SYT7: variants seen among roughly 807,000 people sequenced by gnomAD.
The protein encoded by SYT7 is synaptotagmin-7.
SYT7 carries 29 observed loss-of-function variants against 75.1 expected under a neutral mutation model. That is an observed-to-expected ratio of 0.39 (90% CI 0.29 to 0.53). SYT7 has a LOEUF of 0.53. SYT7 is among the 20% of genes least tolerant of loss of function. The pLI, the probability that SYT7 is intolerant of heterozygous loss-of-function variation, is 0.77. For missense variants in SYT7, 693 were observed against 953.2 expected (o/e 0.73, Z 3.59); for synonymous variants, 376 against 401.7 (o/e 0.94, Z 0.76).
At chr11:61,588,234 C>T in the SYT7 span, among the ~76,000 whole-genome samples, 2 of 152,182 alleles carry the variant, frequency 1.3e-5, no homozygotes, top group African/African-American at 2.4e-5. Context: ...GCGCCAGAAT[C>T]CAATCCTGCT....
At chr11:61,564,013 C>T (rs1014910166) in intron 1 of SYT7, among the ~76,000 whole-genome samples, 1 of 152,162 alleles carries the variant, frequency 6.6e-6, no homozygotes, top group African/African-American at 2.4e-5. Flanking sequence ...GACAGGCACT[C>T]ATAGCAGTCT....
At chr11:61,537,758 T>TC (rs201418110) in intron 7 of SYT7, among the ~76,000 whole-genome samples, 13,088 of 150,554 alleles carry the variant, frequency 0.087, 801 homozygotes, top group Non-Finnish European at 0.13. Flanking sequence ...TTCCCTTACA[T>TC]CCCCCCCGCC....
Position 61,538,208 on chromosome 11 carries a change from C to A in SYT7, c.1000G>T (p.Ala334Ser). 6.5e-7 allele frequency: 1 copy of A among 1,536,064 alleles called. No homozygotes were observed. Among genetic ancestry groups the A allele is most frequent in the African/African-American group, 1.4e-5 (1 of 73,162 alleles). The change falls in exon 7 of 13, where the codon GCC becomes TCC. Residue 334 changes from alanine (A) to serine (S), a missense_variant. Transcript: ENST00000539008. ...VLGLSEQDDF[A>S]NIPDLQNPGT... ...GGGTTTTGCAGGTCAGGGATATTGG[C>A]AAAGTCATCCTGTTCCGAAAGCCCT...
intron 1 of SYT7, among the ~76,000 whole-genome samples, chr11:61,566,690 G>GAA (rs2063777917): frequency 6.6e-6 from 1 of 152,236 alleles, no homozygotes; most frequent in African/African-American, 2.4e-5. Context: ...CAGGATCAGG[G>GAA]ACGTGTGATG....
chr11:61,520,218 A>T (rs1169663489), intron 12 of SYT7, among the ~76,000 whole-genome samples: 331 of 148,642 alleles, frequency 2.2e-3, no homozygotes, highest in Non-Finnish European at 3.5e-3. Context: ...TTTTTTTTTT[A>T]AAAAGGATGG....
Position 61,574,725 on chromosome 11 carries a change from G to A in SYT7, c.31+6065C>T, listed in dbSNP as rs200004240. ...TGCTGGAGCAAGCAAATGCTTGAGG[G>A]GGCCCTCCCGGGCCCAGGCCTGGCA... On this transcript the variant is annotated intron_variant, in intron 1 of 12. Transcript: ENST00000539008. Among the ~76,000 whole-genome samples the A allele has an allele frequency of 5.3e-5, 8 of 152,080 alleles. No individual in the cohort carries two copies. The East Asian group carries it at 1.2e-3, about 22-fold the overall frequency.
At position 61,580,943 on chromosome 11, in the gene SYT7, G is replaced by T; in HGVS notation, c.-123C>A. On this transcript the variant is annotated 5_prime_UTR_variant, in exon 1 of 13. Transcript: ENST00000539008. This position sits in a 1 kb window ranked among gnomAD's most constrained non-coding sequence, Gnocchi z 6.1. ...GGGGGCGGGTCCGAGGGCGGGGGCCGAGCGGGCTGCACCTAGCCGCGGAGC... is the reference window on the plus strand; with the variant it reads ...GGGGGCGGGTCCGAGGGCGGGGGCCTAGCGGGCTGCACCTAGCCGCGGAGC... 1 of 1,006,284 alleles carries T rather than the reference G, an allele frequency of 9.9e-7. No individual in the cohort carries two copies. The highest frequency in any genetic ancestry group is 4.5e-5 in the South Asian group (1 of 22,222). 62.3% of individuals were successfully genotyped at this position (1,006,284 alleles called of 1,614,324 possible).
At chr11:61,537,789 G>A (rs959195507) in intron 7 of SYT7, among the ~76,000 whole-genome samples, 3 of 152,148 alleles carry the variant, frequency 2.0e-5, no homozygotes, top group Admixed American at 2.0e-4. Flanking sequence ...CAGAGAAACA[G>A]GGATTTCCAG....
rs1306783354 is a variant in SYT7 at position 61,517,529 on chromosome 11, G to A, written c.*1098C>T. 1.0e-5 allele frequency: 4 copies of A among 399,488 alleles called. No homozygotes were observed. The East Asian group carries it at 1.1e-4, about 11-fold the overall frequency. 24.7% of individuals were successfully genotyped at this position (399,488 alleles called of 1,614,324 possible). On this transcript the variant is annotated 3_prime_UTR_variant, in exon 13 of 13. Transcript: ENST00000539008. ...TCTACAAGCATTGGGGGATGGAGGGGTGGAGGAAAGAAGGGTGGAGGTCTG... is the reference window on the plus strand; with the variant it reads ...TCTACAAGCATTGGGGGATGGAGGGATGGAGGAAAGAAGGGTGGAGGTCTG...
chr11:61,535,641 G>A (rs1448220051), intron 7 of SYT7, among the ~76,000 whole-genome samples: 2 of 152,170 alleles, frequency 1.3e-5, no homozygotes, highest in South Asian at 2.1e-4. Flanking sequence ...GACAGAGGCA[G>A]TGACTGGCCC....
chr11:61,586,668 C>T, the SYT7 span, among the ~76,000 whole-genome samples: 4 of 152,132 alleles, frequency 2.6e-5, no homozygotes, highest in Admixed American at 6.5e-5. Context: ...GGGGGTCCTT[C>T]GGGTTCCAGA....
At chr11:61,527,417 G>C (rs2062553965) in intron 9 of SYT7, among the ~76,000 whole-genome samples, 1 of 152,210 alleles carries the variant, frequency 6.6e-6, no homozygotes, top group African/African-American at 2.4e-5. Flanking sequence ...GCGAGTAAGT[G>C]GCAAGAGCTG....
At chr11:61,532,959 T>G (rs376945949) in intron 8 of SYT7, 30 bp downstream of exon 8, 3 of 1,610,500 alleles carry the variant, frequency 1.9e-6, no homozygotes, top group Non-Finnish European at 2.5e-6. Context: ...GCCCAGTTCC[T>G]TGGAGCAGCG....
At position 61,546,285 on chromosome 11, in the gene SYT7, G is replaced by A. The variant is rs967907559; in HGVS notation, c.348-30C>T. The A allele has an allele frequency of 1.4e-6, 2 of 1,402,160 alleles. No homozygotes were observed. Among genetic ancestry groups the A allele is most frequent in the East Asian group, 5.6e-5 (2 of 35,712 alleles). The allele number at this position is 1,402,160 out of a possible 1,614,324, so 86.9% of individuals were successfully genotyped here. On this transcript the variant is annotated intron_variant, in intron 4 of 12. Coordinates refer to ENST00000539008, the MANE Select transcript of SYT7 (RefSeq NM_001365809.2). The surrounding 1 kb of genome is among the most constrained non-coding windows in gnomAD (Gnocchi z 7.6). ...AGGCATGCACGAGGCAGCCAGGCCA[G>A]AGGGGCACCGGGGGTGGCGGTGGGG...
upstream of SYT7, among the ~76,000 whole-genome samples, chr11:61,585,473 A>C (rs996556519): frequency 6.6e-6 from 1 of 152,220 alleles, no homozygotes; most frequent in African/African-American, 2.4e-5. Flanking sequence ...GTGACCGGCC[A>C]GGAGTGAGGA....
At chr11:61,531,115 A>C (rs2062691309) in intron 8 of SYT7, 2 of 985,456 alleles carry the variant, frequency 2.0e-6, no homozygotes, top group East Asian at 1.1e-4. Context: ...GGACAGGCTG[A>C]GGTCACAGTG....
chr11:61,547,410 C>A lies in SYT7; in HGVS notation c.216-102G>T. 4 of 1,380,080 alleles carry A rather than the reference C, an allele frequency of 2.9e-6. No individual in the cohort carries two copies. In the South Asian group the frequency reaches 5.5e-5, roughly 19 times the overall value. The allele number at this position is 1,380,080 out of a possible 1,614,324, so 85.5% of individuals were successfully genotyped here. ...AAGGGACCAGGACCCCGGGGCCGGG[C>A]ACACAGTGGGCGGGGCTTCGTGGGT... On this transcript the variant is annotated intron_variant, in intron 3 of 12. Transcript: ENST00000539008.
At chr11:61,527,661 A>G (rs1324352160) in intron 9 of SYT7, among the ~76,000 whole-genome samples, 2 of 152,232 alleles carry the variant, frequency 1.3e-5, no homozygotes, top group African/African-American at 4.8e-5. Context: ...AACTAGACAC[A>G]AAACGCATCA....
upstream of SYT7, among the ~76,000 whole-genome samples, chr11:61,584,666 C>A (rs903056658): frequency 1.1e-4 from 16 of 152,178 alleles, no homozygotes; most frequent in African/African-American, 3.9e-4. Flanking sequence ...GGCTCCTTGA[C>A]CCTGCCAGCC....
Sources: gnomAD v4.1 joint callset for allele counts (sites outside exome capture counted in the v4.1 genomes callset) on GRCh38, gnomAD v4.1.1 for gene constraint, Gnocchi (gnomAD v3.1) non-coding constraint, MANE v1.5 for transcripts, NCBI Gene and HGNC (gene_info 2026-07-23, HGNC 2026-07-21) for gene names.